NRXN3: variants seen among roughly 807,000 people sequenced by gnomAD.
The protein encoded by NRXN3 is neurexin III.
In NRXN3, 32 loss-of-function variants were observed where a neutral mutation model predicts 137.6. The ratio of observed to expected loss-of-function variants is 0.23; its 90% CI spans 0.18 to 0.31. The LOEUF (loss-of-function observed/expected upper bound fraction) is 0.31. Ranked by LOEUF, NRXN3 falls within the 10% of genes least tolerant of loss-of-function variation. The pLI, the probability that NRXN3 is intolerant of heterozygous loss-of-function variation, is 1.00. For missense variants in NRXN3, 1,574 were observed against 2,062.5 expected (o/e 0.76, Z 4.59); for synonymous variants, 798 against 784.5 (o/e 1.02, Z -0.29).
intron 4 of NRXN3, among the ~76,000 whole-genome samples, chr14:78,510,060 T>TATATATATATA: frequency 7.3e-6 from 1 of 136,828 alleles, no homozygotes; most frequent in African/African-American, 3.4e-5. Context: ...ATATATATAT[T>TATATATATATA]TTGGCAATGC....
chr14:79,359,889 TG>T (rs1345649072), intron 15 of NRXN3, among the ~76,000 whole-genome samples: 1 of 152,126 alleles, frequency 6.6e-6, no homozygotes, highest in Non-Finnish European at 1.5e-5. Flanking sequence ...AGCAGAACAA[TG>T]GGAAAAGACT....
chr14:78,404,986 G>A (rs906461145), intron 4 of NRXN3, among the ~76,000 whole-genome samples: 11 of 152,138 alleles, frequency 7.2e-5, no homozygotes, highest in Non-Finnish European at 1.3e-4. Flanking sequence ...GGCAGCTTAT[G>A]GGACAAGTTT....
chr14:79,377,158 A>G (rs2094326999), intron 15 of NRXN3, among the ~76,000 whole-genome samples: 1 of 152,220 alleles, frequency 6.6e-6, no homozygotes, highest in Non-Finnish European at 1.5e-5. Flanking sequence ...AAGAAGAGAT[A>G]GGAACATATG....
intron 19 of NRXN3, among the ~76,000 whole-genome samples, chr14:79,749,281 G>C (rs2154086606): frequency 6.6e-6 from 1 of 152,210 alleles, no homozygotes; most frequent in East Asian, 1.9e-4. Flanking sequence ...GTGTGGGGCT[G>C]CTTCACTATG....
intron 16 of NRXN3, among the ~76,000 whole-genome samples, chr14:79,586,990 C>G (rs2097769366): frequency 6.6e-6 from 1 of 152,154 alleles, no homozygotes; most frequent in African/African-American, 2.4e-5. Flanking sequence ...TAACTGAGAG[C>G]TCCTACTCTT....
chr14:79,289,278 C>T (rs2153456868), intron 15 of NRXN3, among the ~76,000 whole-genome samples: 1 of 152,272 alleles, frequency 6.6e-6, no homozygotes, highest in South Asian at 2.1e-4. Flanking sequence ...CAGATTATGT[C>T]CTGCAGGCAC....
chr14:78,406,708 C>G (rs1432485329), intron 4 of NRXN3, among the ~76,000 whole-genome samples: 1 of 152,106 alleles, frequency 6.6e-6, no homozygotes, highest in Non-Finnish European at 1.5e-5. Flanking sequence ...ATGTTTTGGC[C>G]AGCTATGTCT....
At chr14:78,543,878 G>T (rs997915674) in intron 4 of NRXN3, among the ~76,000 whole-genome samples, 1 of 152,132 alleles carries the variant, frequency 6.6e-6, no homozygotes, top group African/African-American at 2.4e-5. Context: ...GGAATCAAGG[G>T]TGTGTTTTCT....
chr14:79,158,189 T>C (rs1444570034), intron 15 of NRXN3, among the ~76,000 whole-genome samples: 2 of 151,874 alleles, frequency 1.3e-5, no homozygotes, highest in Non-Finnish European at 2.9e-5. Flanking sequence ...CTTTCAGAAG[T>C]ATTTCTTTCT....
chr14:78,483,818 C>T (rs2215833), intron 4 of NRXN3, among the ~76,000 whole-genome samples: 151,751 of 152,274 alleles, frequency 1, 75,618 homozygotes, highest in Middle Eastern at 1. Flanking sequence ...AATGAGAAAA[C>T]TGAGGCCTAG....
intron 1 of NRXN3, among the ~76,000 whole-genome samples, chr14:78,215,059 CT>C (rs1179338227): frequency 2.6e-5 from 4 of 152,102 alleles, no homozygotes; most frequent in African/African-American, 9.7e-5. Context: ...AAAGAGTGCT[CT>C]TTTGTAAACT....
intron 15 of NRXN3, among the ~76,000 whole-genome samples, chr14:79,244,956 T>C (rs1441170303): frequency 6.6e-6 from 1 of 152,140 alleles, no homozygotes; most frequent in Non-Finnish European, 1.5e-5. Flanking sequence ...CTGTCGAGTC[T>C]AAAAGCCATC....
At chr14:79,616,677 A>G (rs1567675234) in intron 16 of NRXN3, among the ~76,000 whole-genome samples, 1 of 152,182 alleles carries the variant, frequency 6.6e-6, no homozygotes, top group South Asian at 2.1e-4. Context: ...GTTTAAAAAA[A>G]TAGAATGAGT....
intron 15 of NRXN3, among the ~76,000 whole-genome samples, chr14:79,451,936 A>T (rs2096179556): frequency 6.6e-6 from 1 of 152,204 alleles, no homozygotes; most frequent in Non-Finnish European, 1.5e-5. Context: ...CAGCGTTCAA[A>T]TGCAGGCTTC....
At chr14:79,677,370 A>G (rs1453029514) in intron 17 of NRXN3, among the ~76,000 whole-genome samples, 2 of 152,156 alleles carry the variant, frequency 1.3e-5, no homozygotes, top group Non-Finnish European at 2.9e-5. Context: ...CTTCATTTTT[A>G]TACCTTTATA....
At chr14:79,785,663 A>G (rs1029779328) in intron 19 of NRXN3, among the ~76,000 whole-genome samples, 11 of 152,170 alleles carry the variant, frequency 7.2e-5, no homozygotes, top group Non-Finnish European at 1.5e-4. Flanking sequence ...CTACTTAATT[A>G]TAAGCTTCTT....
chr14:78,445,532 A>G (rs543493483), intron 4 of NRXN3, among the ~76,000 whole-genome samples: 1 of 152,230 alleles, frequency 6.6e-6, no homozygotes, highest in East Asian at 1.9e-4. Flanking sequence ...GGGTGGAGAA[A>G]TGAGTGTGGG....
At chr14:79,361,776 C>T (rs1384974820) in intron 15 of NRXN3, among the ~76,000 whole-genome samples, 4 of 151,908 alleles carry the variant, frequency 2.6e-5, no homozygotes, top group Admixed American at 1.3e-4. Flanking sequence ...CGATTGATGA[C>T]GTTGAGAGCA....
chr14:79,603,819 C>A (rs984698534), intron 16 of NRXN3, among the ~76,000 whole-genome samples: 1 of 152,106 alleles, frequency 6.6e-6, no homozygotes. Flanking sequence ...CCATGAGATT[C>A]TTTTCATACA....
Sources: gnomAD v4.1 joint callset for allele counts (sites outside exome capture counted in the v4.1 genomes callset) on GRCh38, gnomAD v4.1.1 for gene constraint, MANE v1.5 for transcripts, NCBI Gene and HGNC (gene_info 2026-07-23, HGNC 2026-07-21) for gene names.